The following RAB31 variants were observed in gnomAD, a reference collection of about 807,000 sequenced individuals.
RAB31 encodes RAB31, member RAS oncogene family, also known as ras-related protein Rab-31.
RAB31 carries 21 observed loss-of-function variants against 25.6 expected under a neutral mutation model. The ratio of observed to expected loss-of-function variants is 0.82; its 90% confidence interval spans 0.58 to 1.18. The LOEUF (loss-of-function observed/expected upper bound fraction) is 1.18. Among genes scored for constraint, RAB31 ranks in the 50% most tolerant of loss-of-function variants. The pLI is 0.00. For synonymous variants in RAB31, 87 were observed against 84.0 expected, an observed-to-expected ratio of 1.04 and a Z score of -0.20; for missense variants, 196 against 250.1, an observed-to-expected ratio of 0.78 and a Z score of 1.46.
intron 1 of RAB31, among the ~76,000 whole-genome samples, chr18:9,719,302 T>A (rs1270737683): frequency 0.059 from 1,146 of 19,564 alleles, 14 homozygotes; most frequent in Non-Finnish European, 0.068. Context: ...AAAAAAAATA[T>A]ATATATATAT....
chr18:9,742,815 G>A (rs2068186593), intron 1 of RAB31, among the ~76,000 whole-genome samples: 1 of 152,206 alleles, frequency 6.6e-6, no homozygotes, highest in Admixed American at 6.5e-5. Context: ...CCAGCGAAAT[G>A]GAACAGGAAA....
At position 9,775,295 on chromosome 18, in the gene RAB31, A is replaced by G. The variant is rs1212628393; in HGVS notation, c.57A>G (p.Lys19=). The change falls in exon 2 of 7, where the codon AAA becomes AAG. Residue 19 remains lysine, a synonymous_variant. Coordinates refer to ENST00000578921, the MANE Select transcript of RAB31 (RefSeq NM_006868.4). ...TTTCCTAGGACACTGGGGTTGGGAA[A>G]TCAAGCATCGTGTGTCGATTTGTCC... ...VCLLGDTGVG[K]SSIVCRFVQD... The G allele has an allele frequency of 6.2e-7, 1 of 1,613,742 alleles. No homozygotes were observed. Among genetic ancestry groups the G allele is most frequent in the Non-Finnish European group, 8.5e-7 (1 of 1,179,818 alleles).
intron 1 of RAB31, among the ~76,000 whole-genome samples, chr18:9,753,565 A>G (rs1439890586): frequency 2.0e-5 from 3 of 152,192 alleles, no homozygotes; most frequent in Non-Finnish European, 4.4e-5. Context: ...TACTATAAAT[A>G]ACAGAAAATG....
intron 1 of RAB31, among the ~76,000 whole-genome samples, chr18:9,751,075 C>T (rs1331155927): frequency 6.6e-6 from 1 of 152,122 alleles, no homozygotes; most frequent in African/African-American, 2.4e-5. Flanking sequence ...CGCATGGTCA[C>T]CCGGGCTGGA....
chr18:9,776,844 C>T (rs1375458849), intron 2 of RAB31, among the ~76,000 whole-genome samples: 1 of 152,138 alleles, frequency 6.6e-6, no homozygotes, highest in African/African-American at 2.4e-5. Context: ...AGACTCTCCC[C>T]TCCAAGGATG....
chr18:9,809,408 A>G (rs139938428), intron 3 of RAB31, among the ~76,000 whole-genome samples: 3 of 152,338 alleles, frequency 2.0e-5, no homozygotes, highest in Non-Finnish European at 4.4e-5. Context: ...GGAATTCTGA[A>G]CTAAAACCAA....
At chr18:9,765,585 A>T (rs944627135) in intron 1 of RAB31, among the ~76,000 whole-genome samples, 1 of 152,218 alleles carries the variant, frequency 6.6e-6, no homozygotes, top group Non-Finnish European at 1.5e-5. Flanking sequence ...CCCTCTGGTG[A>T]AAAGTGCTTG....
rs140019300 is a variant in RAB31 at position 9,775,186 on chromosome 18, C to T, written c.40-92C>T. On this transcript the variant is annotated intron_variant, in intron 1 of 6. Coordinates refer to ENST00000578921, the MANE Select transcript of RAB31 (RefSeq NM_006868.4). Reference sequence around the variant, plus strand: ...GTCTCATCAACCAGAAATAGCCAGTCGTGTCCTCTGGTAATCTGTGAGGTC... The same window carrying T: ...GTCTCATCAACCAGAAATAGCCAGTTGTGTCCTCTGGTAATCTGTGAGGTC... 1.6e-5 allele frequency: 26 copies of T among 1,584,924 alleles called. No individual in the cohort carries two copies. In the African/African-American group the frequency reaches 2.0e-4, roughly 12 times the overall value.
chr18:9,782,258 G>C (rs972606337), intron 2 of RAB31, among the ~76,000 whole-genome samples: 1 of 152,222 alleles, frequency 6.6e-6, no homozygotes, highest in Non-Finnish European at 1.5e-5. Flanking sequence ...CGGTAACCCT[G>C]CTGGCCACCC....
chr18:9,757,994 C>T (rs185275776), intron 1 of RAB31: 4 of 152,350 alleles, frequency 2.6e-5, no homozygotes, highest in East Asian at 1.9e-4. Flanking sequence ...TCGTACTTAC[C>T]GTAAATCTTG....
At chr18:9,848,233 T>A (rs940003281) in intron 6 of RAB31, among the ~76,000 whole-genome samples, 1 of 152,194 alleles carries the variant, frequency 6.6e-6, no homozygotes, top group Non-Finnish European at 1.5e-5. Context: ...CATCTGTCTG[T>A]CCATCTGTCC....
At chr18:9,828,256 T>C (rs1442339597) in intron 5 of RAB31, among the ~76,000 whole-genome samples, 1 of 152,178 alleles carries the variant, frequency 6.6e-6, no homozygotes, top group Admixed American at 6.5e-5. Context: ...GGGCTCGATG[T>C]GCTGGCCAGG....
intron 5 of RAB31, chr18:9,830,636 T>G (rs548087041): frequency 6.6e-6 from 1 of 152,290 alleles, no homozygotes; most frequent in South Asian, 2.1e-4. Context: ...GCTGTGTTGT[T>G]TTTTCATCAT....
intron 1 of RAB31, among the ~76,000 whole-genome samples, chr18:9,714,398 A>T (rs1314577475): frequency 6.6e-6 from 1 of 152,196 alleles, no homozygotes; most frequent in African/African-American, 2.4e-5. Context: ...TGAGAATCTA[A>T]TGTCACCATT....
In RAB31 at chr18:9,779,022, T is replaced by C. The variant is rs548554630; in HGVS notation, c.119+3665T>C. On this transcript the variant is annotated intron_variant, in intron 2 of 6. Coordinates refer to ENST00000578921, the MANE Select transcript of RAB31 (RefSeq NM_006868.4). ...GGTCTTCATCCTCATTGTCTTCACA[T>C]TGAGTAGGCTGAGGAGGAGCAGGAA... Among the ~76,000 whole-genome samples the C allele has an allele frequency of 7.3e-4, 111 of 152,274 alleles. 1 individual carries two copies. Among genetic ancestry groups the C allele is most frequent in the Admixed American group, 2.3e-3 (35 of 15,288 alleles).
chr18:9,834,693 C>T (rs1019815999), intron 5 of RAB31, among the ~76,000 whole-genome samples: 1 of 152,172 alleles, frequency 6.6e-6, no homozygotes, highest in African/African-American at 2.4e-5. Context: ...TCCAGAACCA[C>T]AAGCCCTATT....
chr18:9,782,510 C>A (rs115210847), intron 2 of RAB31, among the ~76,000 whole-genome samples: 1 of 152,180 alleles, frequency 6.6e-6, no homozygotes, highest in African/African-American at 2.4e-5. Context: ...AAGCAGATTG[C>A]ATTAACATCT....
chr18:9,792,108 G>T, intron 2 of RAB31, 46 bp from the exon 3 acceptor site: 1 of 1,564,628 alleles, frequency 6.4e-7, no homozygotes. Flanking sequence ...GAATCTTTGT[G>T]AAGAAACAAT....
chr18:9,756,940 T>C (rs1379883175), intron 1 of RAB31, among the ~76,000 whole-genome samples: 1 of 152,004 alleles, frequency 6.6e-6, no homozygotes, highest in African/African-American at 2.4e-5. Context: ...AGTTTAGGAG[T>C]CTGTTCTGAT....
Sources: gnomAD v4.1 joint callset for allele counts (sites outside exome capture counted in the v4.1 genomes callset) on GRCh38, gnomAD v4.1.1 for gene constraint, MANE v1.5 for transcripts, NCBI Gene and HGNC (gene_info 2026-07-23, HGNC 2026-07-21) for gene names.